MYO1A: variants seen among roughly 807,000 people sequenced by gnomAD.
The protein encoded by MYO1A is unconventional myosin-Ia.
In MYO1A, 127 loss-of-function variants were observed where a neutral mutation model predicts 138.5. The ratio of observed to expected loss-of-function variants is 0.92; its 90% CI spans 0.79 to 1.06. The LOEUF is 1.06. Ranked by LOEUF, MYO1A falls within the 50% of genes least tolerant of loss-of-function variation. The probability of loss-of-function intolerance (pLI) is 0.00; values close to 1 mark genes in which losing one functional copy is unlikely to be tolerated. For missense variants in MYO1A, 1,211 were observed against 1,288.8 expected (o/e 0.94, Z 0.92); for synonymous variants, 477 against 497.5 (o/e 0.96, Z 0.55).
Position 57,031,157 on chromosome 12 carries a change from CA to C in MYO1A, c.2366del (p.Leu789ArgfsTer3). Reference protein sequence around the residue: ...IYKSMVQKFLLGLKNNLPSTN... With the variant: ...IYKSMVQKFLXGLKNNLPSTN... Reference sequence around the variant, plus strand: ...TGGATGGCAAATTGTTCTTCAGCCCCAGTAGGAATTTCTGTACCTAGTTTGG... The same window carrying C: ...TGGATGGCAAATTGTTCTTCAGCCCCGTAGGAATTTCTGTACCTAGTTTGG... On this transcript the variant is annotated frameshift_variant, in exon 23 of 28. Coordinates refer to ENST00000300119, the MANE Select transcript of MYO1A (RefSeq NM_005379.4). LOFTEE classifies it high-confidence loss of function. 1 of 1,614,054 alleles carries C rather than the reference CA, an allele frequency of 6.2e-7. No individual in the cohort carries two copies. The highest frequency in any genetic ancestry group is 8.5e-7 in the Non-Finnish European group (1 of 1,180,010).
intron 26 of MYO1A, 40 bp downstream of exon 26, chr12:57,029,395 C>T (rs746392364): frequency 6.2e-7 from 1 of 1,614,018 alleles, no homozygotes; most frequent in Admixed American, 1.7e-5. Context: ...ATGCATACCA[C>T]CTTCTCCAGT....
intron 1 of MYO1A, among the ~76,000 whole-genome samples, chr12:57,049,582 C>T (rs1438144544): frequency 6.6e-6 from 1 of 152,216 alleles, no homozygotes; most frequent in Non-Finnish European, 1.5e-5. Context: ...GCGTTTACCA[C>T]GAACTGGGCA....
intron 22 of MYO1A, among the ~76,000 whole-genome samples, chr12:57,035,738 A>T (rs557961323): frequency 1.3e-4 from 20 of 152,236 alleles, no homozygotes; most frequent in African/African-American, 4.8e-4. Context: ...TCCCCCTGGG[A>T]GCTGTCTGTA....
At chr12:57,035,517 T>G (rs1192912874) in intron 22 of MYO1A, among the ~76,000 whole-genome samples, 1 of 152,196 alleles carries the variant, frequency 6.6e-6, no homozygotes, top group African/African-American at 2.4e-5. Flanking sequence ...GGGTCCTAAC[T>G]ATGGTCAAAA....
intron 14 of MYO1A, among the ~76,000 whole-genome samples, chr12:57,040,442 G>T (rs2030807573): frequency 6.6e-6 from 1 of 152,162 alleles, no homozygotes; most frequent in Admixed American, 6.5e-5. Context: ...GAGGCTAGGG[G>T]CAGAAGTAGG....
Position 57,043,304 on chromosome 12 carries a change from GCT to G in MYO1A, c.945_946del (p.Arg315SerfsTer32), listed in dbSNP as rs1565646347. The G allele has an allele frequency of 1.2e-6, 2 of 1,614,114 alleles. No homozygotes were observed. Among genetic ancestry groups the G allele is most frequent in the Middle Eastern group, 1.7e-4 (1 of 6,060 alleles). ...TGTTTCCATGGTCCTCGAGCACAAA[GCT>G]CTCTCTACTTCTTCTGAATTCAAGC... On this transcript the variant is annotated frameshift_variant, in exon 11 of 28. Transcript: ENST00000300119. LOFTEE classifies it high-confidence loss of function.
intron 24 of MYO1A, 54 bp from the exon 25 acceptor site, chr12:57,029,926 A>C (rs1592468425): frequency 1.9e-6 from 3 of 1,612,856 alleles, no homozygotes; most frequent in Non-Finnish European, 2.5e-6. Context: ...CCTCTTCCCC[A>C]CCCCCAGAGT....
Position 57,039,241 on chromosome 12 carries a change from T to C in MYO1A, c.1303A>G (p.Asn435Asp), listed in dbSNP as rs766550434. Reference protein sequence around the residue: ...IPWTKVDYFDNGIICKLIEHN... With the variant: ...IPWTKVDYFDDGIICKLIEHN... ...TCAATGAGCTTACAAATGATGCCAT[T>C]ATCAAAGTAGTCCACCTTTGTCCAC... Residue 435 changes from asparagine to aspartate, a missense_variant, in exon 15 of 28, where the codon AAT (asparagine) becomes GAT (aspartate). Coordinates refer to ENST00000300119, the MANE Select transcript of MYO1A (RefSeq NM_005379.4). The C allele has an allele frequency of 6.2e-7, 1 of 1,614,122 alleles. No individual in the cohort carries two copies. The highest frequency in any genetic ancestry group is 8.5e-7 in the Non-Finnish European group (1 of 1,179,992).
In MYO1A at chr12:57,036,779, CCT is replaced by C; in HGVS notation, c.2265_2266del (p.Gly756ValfsTer96). On this transcript the variant is annotated frameshift_variant, in exon 21 of 28. Transcript: ENST00000300119. LOFTEE classifies it high-confidence loss of function. ...TCTTCCACTCTCCATTACCTTCCAC[CCT>C]CTCACAAAAGCCTGGATCAATAACA... is the stretch of plus-strand genomic sequence containing the variant. The C allele has an allele frequency of 6.2e-7, 1 of 1,614,208 alleles. No individual in the cohort carries two copies. Among genetic ancestry groups the C allele is most frequent in the Non-Finnish European group, 8.5e-7 (1 of 1,180,022 alleles).
chr12:57,048,371 TGTCCACTCA>T lies in MYO1A; in HGVS notation c.-20-37_-20-29del. ...GGGAATAAGAGGCACAGTTTGCTGA[TGTCCACTCA>T]GCTTTAGGGGCCAGTAACTGTTTGA... is the stretch of plus-strand genomic sequence containing the variant. On this transcript the variant is annotated intron_variant, in intron 1 of 27. Transcript: ENST00000300119. 4 of 1,370,328 alleles carry T rather than the reference TGTCCACTCA, an allele frequency of 2.9e-6. No homozygotes were observed. In the South Asian group the frequency reaches 4.7e-5, roughly 16 times the overall value. The allele number at this position is 1,370,328 out of a possible 1,614,324, so 84.9% of individuals were successfully genotyped here. A position where few individuals can be genotyped will look rare whatever the true frequency, so the allele number is the denominator to read the frequency against.
chr12:57,041,497 C>T lies in MYO1A; in HGVS notation c.1099G>A (p.Val367Met), dbSNP rs781382307. ...IVNRINESIK[V>M]GIGEKKKVMG... is the part of the protein sequence containing the mutation. ...ACCTTCTTCTTTTCCCCGATGCCCA[C>T]CTGAAGAGGAGAGAAAGATAAATCT... Residue 367 changes from valine (V) to methionine (M), a missense_variant and splice_region_variant, in exon 13 of 28, where the codon GTG becomes ATG. Coordinates refer to ENST00000300119, the MANE Select transcript of MYO1A (RefSeq NM_005379.4). 6 of 1,612,192 alleles carry T rather than the reference C, an allele frequency of 3.7e-6. No homozygotes were observed. The East Asian group carries it at 6.7e-5, about 18-fold the overall frequency.
intron 23 of MYO1A, 44 bp downstream of exon 23, chr12:57,030,996 A>T: frequency 4.4e-6 from 7 of 1,606,840 alleles, no homozygotes; most frequent in Non-Finnish European, 5.9e-6. Context: ...GGGGGAGGGA[A>T]AAAAAAGACG....
chr12:57,047,226 C>T (rs1015048866), intron 5 of MYO1A, 77 bp downstream of exon 5: 2 of 1,581,152 alleles, frequency 1.3e-6, no homozygotes, highest in African/African-American at 1.3e-5. Context: ...TTTTGCAGCA[C>T]TGGGGAAGAG....
intron 19 of MYO1A, 142 bp downstream of exon 19, chr12:57,037,406 C>T (rs560234471): frequency 9.2e-6 from 8 of 871,210 alleles, no homozygotes; most frequent in South Asian, 5.3e-5. Flanking sequence ...CCCAGGGATA[C>T]GGTTCCTGCA....
rs1403305040 is a variant in MYO1A, at chr12:57,047,645, T to C, written c.307A>G (p.Ser103Gly). 3 of 1,614,042 alleles carry C rather than the reference T, an allele frequency of 1.9e-6. No homozygotes were observed. Among genetic ancestry groups the C allele is most frequent in the African/African-American group, 2.7e-5 (2 of 74,910 alleles). Residue 103 changes from serine to glycine, a missense_variant, in exon 4 of 28, where the codon AGT becomes GGT. Coordinates refer to ENST00000300119, the MANE Select transcript of MYO1A (RefSeq NM_005379.4). Reference protein sequence around the residue: ...RDQCILITGESGSGKTEASKL... With the variant: ...RDQCILITGEGGSGKTEASKL... ...GCCTCACCAGTCTTCCCTGATCCAC[T>C]CTCGCCTGTGATGAGGATACACTGG...
rs769298472 is a variant in MYO1A, at chr12:57,038,869, C to T, written c.1473G>A (p.Gln491=). The stretch of plus-strand genomic sequence containing the variant: ...GGCCCATGGTGTGGTCATACTGACG[C>T]TGGGCATTCTGGGTGACTTTGCTCT... The part of the protein sequence containing the change: ...HYESKVTQNA[Q]RQYDHTMGLS... Residue 491 remains glutamine (Q), a synonymous_variant, in exon 16 of 28, where the codon CAG becomes CAA. Transcript: ENST00000300119. 2 of 1,614,182 alleles carry T rather than the reference C, an allele frequency of 1.2e-6. No individual in the cohort carries two copies. Among genetic ancestry groups the T allele is most frequent in the South Asian group, 2.2e-5 (2 of 91,078 alleles).
Position 57,030,192 on chromosome 12 carries a change from G to A in MYO1A, c.2591+18C>T. Reference sequence around the variant, plus strand: ...CTGCGTGATGGAACTGGCTGTGCAGGGTCTGGGAGGCCCTCACCTCTGGGG... The same window carrying A: ...CTGCGTGATGGAACTGGCTGTGCAGAGTCTGGGAGGCCCTCACCTCTGGGG... On this transcript the variant is annotated intron_variant, in intron 24 of 27. Coordinates refer to ENST00000300119, the MANE Select transcript of MYO1A (RefSeq NM_005379.4). 1 of 1,599,822 alleles carries A rather than the reference G, an allele frequency of 6.3e-7. No homozygotes were observed. Among genetic ancestry groups the A allele is most frequent in the Non-Finnish European group, 8.6e-7 (1 of 1,166,948 alleles).
chr12:57,035,151 T>A (rs1304103572), intron 22 of MYO1A, among the ~76,000 whole-genome samples: 1 of 151,948 alleles, frequency 6.6e-6, no homozygotes, highest in African/African-American at 2.4e-5. Context: ...AGCTTCTGGG[T>A]TGACAATTAG....
At chr12:57,041,940 G>A (rs1203464614) in intron 12 of MYO1A, among the ~76,000 whole-genome samples, 1 of 152,206 alleles carries the variant, frequency 6.6e-6, no homozygotes, top group Non-Finnish European at 1.5e-5. Context: ...CTACCTTTCA[G>A]TAATAGCTTC....
Sources: gnomAD v4.1 joint callset for allele counts (sites outside exome capture counted in the v4.1 genomes callset) on GRCh38, gnomAD v4.1.1 for gene constraint, MANE v1.5 for transcripts, NCBI Gene and HGNC (gene_info 2026-07-23, HGNC 2026-07-21) for gene names.